Variants in CDH18 observed in about 807,000 individuals in gnomAD.
CDH18 encodes cadherin-18.
CDH18 carries 31 observed loss-of-function variants against 67.9 expected under a neutral mutation model. The ratio of observed to expected loss-of-function variants is 0.46; its 90% CI spans 0.34 to 0.62. The LOEUF (loss-of-function observed/expected upper bound fraction) is 0.62, where lower values mean the gene tolerates loss of function less well. Ranked by LOEUF, CDH18 falls within the 20% of genes least tolerant of loss-of-function variation. The pLI is 0.01. For missense variants in CDH18, 890 were observed against 975.5 expected (o/e 0.91, Z 1.17); for synonymous variants, 362 against 347.2 (o/e 1.04, Z -0.48).
chr5:19,621,244 T>A (rs1750651497), intron 5 of CDH18, among the ~76,000 whole-genome samples: 2 of 141,460 alleles, frequency 1.4e-5, no homozygotes, highest in African/African-American at 5.3e-5. Context: ...GATGTAGAAA[T>A]TGATGTTTCT....
At position 19,909,746 on chromosome 5, in the gene CDH18, C is replaced by T. The variant is rs200281043; in HGVS notation, c.-256-70504G>A. Among the ~76,000 whole-genome samples the T allele has an allele frequency of 1.9e-3, 283 of 152,014 alleles. 1 individual carries two copies. Among genetic ancestry groups the T allele is most frequent in the African/African-American group, 6.4e-3 (265 of 41,478 alleles). On this transcript the variant is annotated intron_variant, in intron 2 of 12. Coordinates refer to ENST00000382275, the MANE Select transcript of CDH18 (RefSeq NM_004934.5). ...CTGTCTGAAATCATTATTCTTATTT[C>T]GGACTATCATTTCCTTCAGGTTTGC...
Position 19,672,503 on chromosome 5 carries a change from G to A in CDH18, c.643+48844C>T, listed in dbSNP as rs191504359. On this transcript the variant is annotated intron_variant, in intron 5 of 12. Transcript: ENST00000382275. ...GAATAAATTATAACTCATTTTCTCT[G>A]AAATAAACTGATTTGTTCACACAAC... Among the ~76,000 whole-genome samples, 306 of 152,118 alleles carry A rather than the reference G, an allele frequency of 2.0e-3. 1 individual carries two copies. Among genetic ancestry groups the A allele is most frequent in the Middle Eastern group, 0.017 (5 of 294 alleles).
At chr5:19,656,460 C>A in intron 5 of CDH18, among the ~76,000 whole-genome samples, 1 of 152,020 alleles carries the variant, frequency 6.6e-6, no homozygotes, top group East Asian at 1.9e-4. Flanking sequence ...GTTATTGAGT[C>A]TGACTCTAGA....
chr5:20,266,630 T>C (rs1463748199), intron 1 of CDH18, among the ~76,000 whole-genome samples: 4 of 136,706 alleles, frequency 2.9e-5, no homozygotes, highest in South Asian at 2.5e-4. Context: ...GGTTTCACCA[T>C]GTTGACCAGG....
chr5:19,739,514 A>G (rs982744348), intron 4 of CDH18, among the ~76,000 whole-genome samples: 2 of 152,104 alleles, frequency 1.3e-5, no homozygotes, highest in Non-Finnish European at 2.9e-5. Flanking sequence ...CTAGTGGAAG[A>G]GCAGCCTGGA....
chr5:19,529,976 A>G (rs1580029340), intron 9 of CDH18, among the ~76,000 whole-genome samples: 1 of 152,286 alleles, frequency 6.6e-6, no homozygotes, highest in African/African-American at 2.4e-5. Context: ...CTGTTCTAAA[A>G]TAACCCAAAC....
intron 3 of CDH18, among the ~76,000 whole-genome samples, chr5:19,769,891 T>C (rs1052541020): frequency 6.6e-5 from 10 of 151,660 alleles, no homozygotes; most frequent in Admixed American, 4.6e-4. Context: ...AACTCAACAA[T>C]AAGGCAAATA....
intron 2 of CDH18, among the ~76,000 whole-genome samples, chr5:19,843,975 G>A (rs892486816): frequency 4.6e-5 from 7 of 152,138 alleles, no homozygotes; most frequent in African/African-American, 1.7e-4. Context: ...TCCCATTTCA[G>A]GGAGCATTTA....
chr5:19,865,898 A>G (rs1367061359), intron 2 of CDH18, among the ~76,000 whole-genome samples: 1 of 152,130 alleles, frequency 6.6e-6, no homozygotes, highest in Non-Finnish European at 1.5e-5. Flanking sequence ...TATTAAATGT[A>G]TTTGATTCCT....
At chr5:20,036,417 G>A (rs2150462404) in intron 2 of CDH18, among the ~76,000 whole-genome samples, 1 of 152,070 alleles carries the variant, frequency 6.6e-6, no homozygotes, top group South Asian at 2.1e-4. Flanking sequence ...GAAAAAAGAA[G>A]GAGAAGGAGT....
intron 1 of CDH18, among the ~76,000 whole-genome samples, chr5:20,335,528 C>G (rs1356701818): frequency 6.6e-6 from 1 of 152,098 alleles, no homozygotes; most frequent in Non-Finnish European, 1.5e-5. Context: ...GGTCACATTC[C>G]CAATGAGGAC....
chr5:19,727,718 G>C (rs1341780784), intron 4 of CDH18, among the ~76,000 whole-genome samples: 3 of 96,370 alleles, frequency 3.1e-5, no homozygotes, highest in Non-Finnish European at 8.6e-5. Flanking sequence ...GAAGTTAAAA[G>C]TCAAGAAAAA....
chr5:20,471,357 C>G (rs1341407086), intron 1 of CDH18, among the ~76,000 whole-genome samples: 1 of 152,094 alleles, frequency 6.6e-6, no homozygotes, highest in Non-Finnish European at 1.5e-5. Context: ...AAACTGGTTT[C>G]CCTGTTTTCA....
chr5:20,348,692 A>G (rs1740907421), intron 1 of CDH18, among the ~76,000 whole-genome samples: 2 of 152,298 alleles, frequency 1.3e-5, no homozygotes, highest in South Asian at 4.1e-4. Context: ...ATACAAACAT[A>G]AAGTGAAGAG....
intron 2 of CDH18, among the ~76,000 whole-genome samples, chr5:20,179,529 C>T (rs1173634628): frequency 1.3e-5 from 2 of 152,202 alleles, no homozygotes; most frequent in Non-Finnish European, 2.9e-5. Context: ...CTACTGTCAC[C>T]AGTAGGTTAC....
rs376649690 is a variant in CDH18 at position 20,138,755 on chromosome 5, G to A, written c.-518+116689C>T. Among the ~76,000 whole-genome samples, 104 of 152,054 alleles carry A rather than the reference G, an allele frequency of 6.8e-4. No individual in the cohort carries two copies. The South Asian group carries it at 0.016, about 24-fold the overall frequency. The stretch of plus-strand genomic sequence containing the variant: ...TCAAATACTGAGGAATCCAACTTAC[G>A]AGGGATGTGAAGGACCTCTTCAAGG... On this transcript the variant is annotated intron_variant, in intron 2 of 14. Transcript: ENST00000507958.
At chr5:20,130,146 T>G (rs1749151087) in intron 2 of CDH18, among the ~76,000 whole-genome samples, 1 of 151,072 alleles carries the variant, frequency 6.6e-6, no homozygotes, top group South Asian at 2.1e-4. Flanking sequence ...ATCAGAGGCT[T>G]CTCTATACAA....
chr5:20,257,337 T>C (rs2126619949), intron 1 of CDH18, among the ~76,000 whole-genome samples: 1 of 152,244 alleles, frequency 6.6e-6, no homozygotes, highest in East Asian at 1.9e-4. Context: ...ATTGAGTTAT[T>C]AGAATATTCT....
intron 1 of CDH18, among the ~76,000 whole-genome samples, chr5:20,388,855 G>A (rs140264314): frequency 1.6e-3 from 236 of 152,232 alleles, no homozygotes; most frequent in East Asian, 2.3e-3. Context: ...GTATTTGAGC[G>A]GTTTTGAAGA....
Sources: gnomAD v4.1 joint callset for allele counts (sites outside exome capture counted in the v4.1 genomes callset) on GRCh38, gnomAD v4.1.1 for gene constraint, MANE v1.5 for transcripts, NCBI Gene and HGNC (gene_info 2026-07-23, HGNC 2026-07-21) for gene names.